The following GCG variants were observed in gnomAD, a reference collection of about 807,000 sequenced individuals.
GCG encodes glucagon, also known as pro-glucagon.
GCG carries 11 observed loss-of-function variants against 22.8 expected under a neutral mutation model. The ratio of observed to expected loss-of-function variants is 0.48; its 90% confidence interval spans 0.30 to 0.80. The LOEUF is 0.80. GCG is among the 30% of genes least tolerant of loss of function. The pLI is 0.06. For synonymous variants in GCG, 89 were observed against 72.4 expected (o/e 1.23, Z -1.16); for missense variants, 222 against 222.0 (o/e 1.00, Z 0.00).
intron 1 of GCG, among the ~76,000 whole-genome samples, 164 bp downstream of exon 1, chr2:162,151,994 C>T (rs138197338): frequency 9.2e-4 from 140 of 152,222 alleles, no homozygotes; most frequent in African/African-American, 3.2e-3. Context: ...TTAAAGTACA[C>T]GTAAATGCAT....
intron 2 of GCG, 131 bp from the exon 3 acceptor site, chr2:162,147,645 G>A (rs1686723794): frequency 1.2e-6 from 1 of 823,734 alleles, no homozygotes; most frequent in Non-Finnish European, 2.1e-6. Context: ...TCAATAGGTA[G>A]TTTAGAAAGA....
At chr2:162,144,468 A>G (rs1686631801) in intron 4 of GCG, 2 of 276,504 alleles carry the variant, frequency 7.2e-6, no homozygotes, top group Non-Finnish European at 1.4e-5. Flanking sequence ...TGTTGAGATT[A>G]TTAGTCTGTA....
chr2:162,143,365 T>C lies in GCG; in HGVS notation c.542A>G (p.Ter181=). 8.3e-7 allele frequency: 1 copy of C among 1,205,700 alleles called. No homozygotes were observed. Among genetic ancestry groups the C allele is most frequent in the Non-Finnish European group, 1.2e-6 (1 of 851,114 alleles). 74.7% of individuals were successfully genotyped at this position (1,205,700 alleles called of 1,614,324 possible). A position where few individuals can be genotyped will look rare whatever the true frequency, so the allele number is the denominator to read the frequency against. ...AGATGATCTTGAATAGTGATATAGT[T>C]ATTTCCTAGAGATTAAAAAAAGAAA... is the stretch of plus-strand genomic sequence containing the variant. The part of the protein sequence containing the change: ...LIQTKITDRK[*] Residue 181 remains the stop codon, a stop_retained_variant, in exon 6 of 6, where the codon TAA becomes TGA. Transcript: ENST00000418842.
Position 162,148,666 on chromosome 2 carries a change from A to AT in GCG, c.92+420dup, listed in dbSNP as rs1190853154. Among the ~76,000 whole-genome samples the AT allele has an allele frequency of 2.6e-5, 4 of 152,176 alleles. No individual in the cohort carries two copies. The East Asian group carries it at 7.7e-4, about 29-fold the overall frequency. On this transcript the variant is annotated intron_variant, in intron 2 of 5. Transcript: ENST00000418842. ...GACAGAGGAATTTTGAGTACTTAATATTTTTTGCATATTTTTCATACTTTC... is the reference window on the plus strand; with the variant it reads ...GACAGAGGAATTTTGAGTACTTAATATTTTTTTGCATATTTTTCATACTTTC...
In GCG at chr2:162,149,122, C is replaced by G. The variant is rs750292486; in HGVS notation, c.57G>C (p.Trp19Cys). Residue 19 changes from tryptophan (W) to cysteine (C), a missense_variant, in exon 2 of 6, where the codon TGG (tryptophan) becomes TGC (cysteine). Trp to Cys is a radical substitution (Grantham distance 215). Transcript: ENST00000418842. The stretch of plus-strand genomic sequence containing the variant: ...CCTCTGTGTCTTGAAGGGAACGTTG[C>G]CAGCTGCCTTGTACCAGCATTACAA... ...GLFVMLVQGSWQRSLQDTEEK... is the reference protein window; with the variant it reads ...GLFVMLVQGSCQRSLQDTEEK... 1 of 1,612,262 alleles carries G rather than the reference C, an allele frequency of 6.2e-7. No individual in the cohort carries two copies. The highest frequency in any genetic ancestry group is 1.7e-5 in the Admixed American group (1 of 59,930).
intron 4 of GCG, chr2:162,144,427 G>A (rs1686630762): frequency 2.4e-6 from 1 of 419,356 alleles, no homozygotes; most frequent in Non-Finnish European, 4.3e-6. Context: ...CTGTTTTGAA[G>A]ATTTTAGTAT....
Position 162,147,508 on chromosome 2 carries a change from G to T in GCG, c.99C>A (p.Phe33Leu). The T allele has an allele frequency of 6.2e-7, 1 of 1,612,904 alleles. No homozygotes were observed. Among genetic ancestry groups the T allele is most frequent in the South Asian group, 1.1e-5 (1 of 91,064 alleles). ...TGAGTGGGTCTGCCTGGGAAGCTGA[G>T]AATGATCTGTGAAGAACAGTGATTG... is the stretch of plus-strand genomic sequence containing the variant. ...LQDTEEKSRS[F>L]SASQADPLSD... Residue 33 changes from phenylalanine (F) to leucine (L), a missense_variant, in exon 3 of 6, where the codon TTC becomes TTA. By Grantham distance (22) the Phe-to-Leu change is conservative. Coordinates refer to ENST00000418842, the MANE Select transcript of GCG (RefSeq NM_002054.5).
At chr2:162,145,730 T>A (rs549435318) in intron 3 of GCG, 53 bp from the exon 4 acceptor site, 1 of 1,549,546 alleles carries the variant, frequency 6.5e-7, no homozygotes, top group Non-Finnish European at 8.8e-7. Context: ...GCAATATGGT[T>A]CTCACCTATA....
chr2:162,144,218 A>G (rs1342276047), intron 4 of GCG, 48 bp from the exon 5 acceptor site: 1 of 1,403,588 alleles, frequency 7.1e-7, no homozygotes, highest in East Asian at 2.3e-5. Flanking sequence ...TATTTTCAAT[A>G]AATGATCACA....
At chr2:162,143,759 T>C (rs1403328932) in intron 5 of GCG, 3 of 485,690 alleles carry the variant, frequency 6.2e-6, no homozygotes, top group African/African-American at 3.8e-5. Flanking sequence ...ACATTTCCCA[T>C]GTTTCATTTC....
At chr2:162,150,209 C>T (rs886229860) in intron 1 of GCG, among the ~76,000 whole-genome samples, 1 of 152,140 alleles carries the variant, frequency 6.6e-6, no homozygotes, top group Non-Finnish European at 1.5e-5. Flanking sequence ...TCATGGATCT[C>T]GGCTACTTTG....
intron 1 of GCG, among the ~76,000 whole-genome samples, chr2:162,151,292 G>T (rs1003637385): frequency 1.3e-5 from 2 of 152,048 alleles, no homozygotes; most frequent in Non-Finnish European, 2.9e-5. Context: ...AAATGTGTTG[G>T]CATTGTAGTC....
intron 2 of GCG, 156 bp from the exon 3 acceptor site, chr2:162,147,670 T>C: frequency 1.3e-6 from 1 of 769,096 alleles, no homozygotes; most frequent in Non-Finnish European, 2.4e-6. Flanking sequence ...CCTTAGCTTG[T>C]CATGAGAATC....
intron 2 of GCG, among the ~76,000 whole-genome samples, chr2:162,148,386 T>A (rs1014763364): frequency 6.6e-6 from 1 of 152,124 alleles, no homozygotes. Flanking sequence ...GGAATAAATT[T>A]TAAGACCTCT....
chr2:162,147,169 G>T (rs150700989), intron 3 of GCG, among the ~76,000 whole-genome samples, 184 bp downstream of exon 3: 24 of 152,178 alleles, frequency 1.6e-4, no homozygotes, highest in African/African-American at 5.3e-4. Context: ...GGTTTAGAGG[G>T]GTGCGGGTTA....
intron 1 of GCG, among the ~76,000 whole-genome samples, chr2:162,150,615 T>C (rs1291429725): frequency 6.6e-6 from 1 of 152,174 alleles, no homozygotes; most frequent in African/African-American, 2.4e-5. Context: ...CCTTGCCATA[T>C]ATTTAGGTAG....
intron 1 of GCG, among the ~76,000 whole-genome samples, chr2:162,151,432 C>T (rs948618881): frequency 5.3e-5 from 8 of 151,986 alleles, no homozygotes; most frequent in Non-Finnish European, 8.8e-5. Context: ...TCTCTAGGAG[C>T]CTAATCTAAA....
chr2:162,146,288 G>A (rs1040396999), intron 3 of GCG, among the ~76,000 whole-genome samples: 18 of 152,088 alleles, frequency 1.2e-4, no homozygotes, highest in African/African-American at 4.3e-4. Flanking sequence ...TAAACACATA[G>A]GCAACACTGC....
In GCG at chr2:162,149,053, T is replaced by A. The variant is rs755048176; in HGVS notation, c.92+34A>T. 8 of 1,254,670 alleles carry A rather than the reference T, an allele frequency of 6.4e-6. No homozygotes were observed. The South Asian group carries it at 9.6e-5, about 15-fold the overall frequency. The allele number at this position is 1,254,670 out of a possible 1,614,324, so 77.7% of individuals were successfully genotyped here. A position where few individuals can be genotyped will look rare whatever the true frequency, so the allele number is the denominator to read the frequency against. On this transcript the variant is annotated intron_variant, in intron 2 of 5. Coordinates refer to ENST00000418842, the MANE Select transcript of GCG (RefSeq NM_002054.5). ...TTTCACAGGCTTTATTCCAACCATA[T>A]TGATATGTTAGTTCGAGACTACGGA...
Sources: gnomAD v4.1 joint callset for allele counts (sites outside exome capture counted in the v4.1 genomes callset) on GRCh38, gnomAD v4.1.1 for gene constraint, MANE v1.5 for transcripts, NCBI Gene and HGNC (gene_info 2026-07-23, HGNC 2026-07-21) for gene names.